The following ARHGEF28 variants were observed in gnomAD, a reference collection of about 807,000 sequenced individuals.
ARHGEF28 encodes Rho guanine nucleotide exchange factor 28, also known as 190 kDa guanine nucleotide exchange factor.
ARHGEF28 carries 152 observed loss-of-function variants against 206.6 expected under a neutral mutation model. The observed-to-expected ratio is 0.74, with a 90% CI of 0.64 to 0.84. The LOEUF (loss-of-function observed/expected upper bound fraction) is 0.84, where lower values mean the gene tolerates loss of function less well. Ranked by LOEUF, ARHGEF28 falls within the 40% of genes least tolerant of loss-of-function variation. The pLI is 0.00. For missense variants in ARHGEF28, 2,028 were observed against 2,073.2 expected (o/e 0.98, Z 0.42); for synonymous variants, 763 against 776.4 (o/e 0.98, Z 0.29).
chr5:73,850,799 C>T lies in ARHGEF28; in HGVS notation c.1747+1712C>T, dbSNP rs139799332. Among the ~76,000 whole-genome samples, 995 of 152,220 alleles carry T rather than the reference C, an allele frequency of 6.5e-3. 8 individuals are homozygous for T. The highest frequency in any genetic ancestry group is 0.01 in the Non-Finnish European group (710 of 67,974). ...TTTGCATATGAGTTAGAATAAAAAG[C>T]TGATCTCAACTGCTTTGGTTTTCAG... On this transcript the variant is annotated intron_variant, in intron 13 of 35. Transcript: ENST00000513042.
chr5:73,673,098 G>C (rs1367522531), intron 1 of ARHGEF28, among the ~76,000 whole-genome samples: 2 of 152,180 alleles, frequency 1.3e-5, no homozygotes, highest in African/African-American at 4.8e-5. Context: ...GATAACTGTA[G>C]TCTGAAACAG....
intron 9 of ARHGEF28, among the ~76,000 whole-genome samples, chr5:73,826,900 G>A (rs1201823819): frequency 6.6e-6 from 1 of 152,188 alleles, no homozygotes; most frequent in Admixed American, 6.5e-5. Context: ...ACAAAGCAGT[G>A]AGAATAGGAG....
At chr5:73,915,765 A>G (rs1763177729) in intron 35 of ARHGEF28, among the ~76,000 whole-genome samples, 1 of 152,218 alleles carries the variant, frequency 6.6e-6, no homozygotes, top group South Asian at 2.1e-4. Context: ...CAGAGGAAAC[A>G]TCTTATGGTA....
chr5:73,659,224 G>A lies in ARHGEF28; in HGVS notation c.-11-25617G>A, dbSNP rs10063235. On this transcript the variant is annotated intron_variant, in intron 1 of 35. Transcript: ENST00000513042. ...TATCACTGAGTTAATTAACTATCACGTAGTACAGAATATGAACTTAAAGCA... is the reference window on the plus strand; with the variant it reads ...TATCACTGAGTTAATTAACTATCACATAGTACAGAATATGAACTTAAAGCA... 2.9e-3 allele frequency among the ~76,000 whole-genome samples: 439 copies of A among 152,230 alleles called. 2 individuals carry two copies. The highest frequency in any genetic ancestry group is 9.7e-3 in the African/African-American group (403 of 41,540).
intron 5 of ARHGEF28, among the ~76,000 whole-genome samples, chr5:73,774,615 T>C (rs1046348728): frequency 2.6e-5 from 4 of 152,170 alleles, no homozygotes; most frequent in Admixed American, 6.5e-5. Flanking sequence ...AATGAAATAA[T>C]GTAAAGGAAA....
chr5:73,769,697 T>G (rs76495650), intron 4 of ARHGEF28, among the ~76,000 whole-genome samples: 1 of 152,220 alleles, frequency 6.6e-6, no homozygotes, highest in East Asian at 1.9e-4. Flanking sequence ...TTTGCGTTAG[T>G]TTCTCTGACT....
intron 2 of ARHGEF28, among the ~76,000 whole-genome samples, chr5:73,701,082 T>C (rs2112285782): frequency 6.6e-6 from 1 of 152,334 alleles, no homozygotes; most frequent in Admixed American, 6.5e-5. Flanking sequence ...TTTAGAAAAG[T>C]TACCTATACA....
At chr5:73,684,742 T>G (rs1041722357) in intron 1 of ARHGEF28, 99 bp from the exon 2 acceptor site, 8 of 942,024 alleles carry the variant, frequency 8.5e-6, no homozygotes, top group Non-Finnish European at 1.3e-5. Flanking sequence ...TCTAATGAGT[T>G]TGCTTCTCCC....
chr5:73,835,982 A>G (rs1353586185), intron 10 of ARHGEF28, among the ~76,000 whole-genome samples: 1 of 152,162 alleles, frequency 6.6e-6, no homozygotes, highest in Non-Finnish European at 1.5e-5. Context: ...AGAGAATAGA[A>G]AAAAAGACTG....
chr5:73,657,944 A>C (rs6865188), intron 1 of ARHGEF28, among the ~76,000 whole-genome samples: 4,259 of 152,268 alleles, frequency 0.028, 220 homozygotes, highest in African/African-American at 0.097. Flanking sequence ...CACTTCAGGC[A>C]AAGATTCTTC....
chr5:73,721,815 G>T (rs1204014286), intron 2 of ARHGEF28, among the ~76,000 whole-genome samples: 2 of 152,116 alleles, frequency 1.3e-5, no homozygotes, highest in Non-Finnish European at 2.9e-5. Flanking sequence ...CTTGATTTTT[G>T]ATCACATAAC....
intron 35 of ARHGEF28, among the ~76,000 whole-genome samples, chr5:73,938,287 G>T (rs1222958222): frequency 6.6e-6 from 1 of 151,466 alleles, no homozygotes; most frequent in African/African-American, 2.4e-5. Flanking sequence ...AGTTATTTCT[G>T]ATATATATTC....
At position 73,753,000 on chromosome 5, in the gene ARHGEF28, C is replaced by T. The variant is rs1170171498; in HGVS notation, c.273C>T (p.Tyr91=). Residue 91 remains tyrosine (Y), a synonymous_variant, in exon 4 of 36, where the codon TAC becomes TAT. Coordinates refer to ENST00000513042, the MANE Select transcript of ARHGEF28 (RefSeq NM_001177693.2). ...CCATGGGCTCTGGCTCAGTGACCTA[C>T]GTGGACAACATGGCTTGCAGGCTGG... The part of the protein sequence containing the change: ...PVTMGSGSVT[Y]VDNMACRLAR... 2.0e-5 allele frequency: 32 copies of T among 1,613,382 alleles called. No individual in the cohort carries two copies. The highest frequency in any genetic ancestry group is 1.6e-4 in the Middle Eastern group (1 of 6,084).
chr5:73,635,723 T>C (rs1459669760), intron 1 of ARHGEF28, among the ~76,000 whole-genome samples: 1 of 152,202 alleles, frequency 6.6e-6, no homozygotes, highest in Non-Finnish European at 1.5e-5. Context: ...TTCACGGAGT[T>C]GTCAACTTTG....
rs561878225 is a variant in ARHGEF28 at position 73,702,711 on chromosome 5, G to GT, written c.33+17834dup. ...TTTTTGCCAACACTTTTTATGTTCT[G>GT]TTTTTTTAAATAATAGCCATCCTGC... On this transcript the variant is annotated intron_variant, in intron 2 of 35. Coordinates refer to ENST00000513042, the MANE Select transcript of ARHGEF28 (RefSeq NM_001177693.2). 4.7e-4 allele frequency among the ~76,000 whole-genome samples: 72 copies of GT among 152,174 alleles called. No individual in the cohort carries two copies. The South Asian group carries it at 0.014, about 30-fold the overall frequency.
chr5:73,635,222 A>G (rs1157688408), intron 1 of ARHGEF28, among the ~76,000 whole-genome samples: 3 of 152,206 alleles, frequency 2.0e-5, no homozygotes, highest in African/African-American at 7.2e-5. Context: ...ACATGCCTAT[A>G]GTCCCAGCTA....
At chr5:73,773,567 C>T (rs186798256) in intron 4 of ARHGEF28, among the ~76,000 whole-genome samples, 23 of 152,286 alleles carry the variant, frequency 1.5e-4, no homozygotes, top group African/African-American at 5.1e-4. Flanking sequence ...GATGACTGCA[C>T]TGCATGTCTA....
chr5:73,806,600 C>G (rs562916888), intron 9 of ARHGEF28, among the ~76,000 whole-genome samples: 15 of 130,990 alleles, frequency 1.1e-4, no homozygotes, highest in African/African-American at 3.5e-4. Context: ...TCTATATATA[C>G]TACACATCTA....
At chr5:73,833,263 A>G (rs924650798) in intron 10 of ARHGEF28, among the ~76,000 whole-genome samples, 4 of 152,212 alleles carry the variant, frequency 2.6e-5, no homozygotes, top group Non-Finnish European at 5.9e-5. Flanking sequence ...GATCCACCCT[A>G]TCTACTCACT....
Sources: gnomAD v4.1 joint callset for allele counts (sites outside exome capture counted in the v4.1 genomes callset) on GRCh38, gnomAD v4.1.1 for gene constraint, MANE v1.5 for transcripts, NCBI Gene and HGNC (gene_info 2026-07-23, HGNC 2026-07-21) for gene names.